The following ADGRE2 variants were observed in gnomAD, a reference collection of about 807,000 sequenced individuals.
ADGRE2 encodes the protein adhesion G protein-coupled receptor E2.
A neutral mutation model predicts 100.8 loss-of-function variants in ADGRE2; 83 were observed. The ratio of observed to expected loss-of-function variants is 0.82; its 90% confidence interval spans 0.69 to 0.99. The LOEUF is 0.99. Ranked by LOEUF, ADGRE2 falls within the 50% of genes least tolerant of loss-of-function variation. The pLI, the probability that ADGRE2 is intolerant of heterozygous loss-of-function variation, is 0.00. For missense variants in ADGRE2, 814 were observed against 1,035.7 expected (o/e 0.79, Z 2.94); for synonymous variants, 355 against 413.0 (o/e 0.86, Z 1.70).
At chr19:14,758,293 A>G (rs2043572637) in intron 11 of ADGRE2, among the ~76,000 whole-genome samples, 1 of 152,260 alleles carries the variant, frequency 6.6e-6, no homozygotes, top group South Asian at 2.1e-4. Flanking sequence ...TACTATCAGA[A>G]TGTTTAAAGA....
At chr19:14,742,582 A>G (rs1387399392) in intron 20 of ADGRE2, among the ~76,000 whole-genome samples, 1 of 152,192 alleles carries the variant, frequency 6.6e-6, no homozygotes, top group East Asian at 1.9e-4. Flanking sequence ...GGTGCTGAGT[A>G]GAGGCACTGC....
At chr19:14,751,395 T>C in intron 16 of ADGRE2, 41 bp downstream of exon 16, 2 of 1,481,940 alleles carry the variant, frequency 1.3e-6, no homozygotes, top group Non-Finnish European at 1.9e-6. Flanking sequence ...ATGGCCATGG[T>C]TATGCCGGAG....
chr19:14,744,025 AG>A (rs1320716026), intron 18 of ADGRE2, among the ~76,000 whole-genome samples: 1 of 152,102 alleles, frequency 6.6e-6, no homozygotes, highest in Non-Finnish European at 1.5e-5. Context: ...AGATCACCTG[AG>A]GTCAGGAGTT....
chr19:14,725,655 G>A, the ADGRE2 span, among the ~76,000 whole-genome samples: 2 of 152,234 alleles, frequency 1.3e-5, no homozygotes, highest in African/African-American at 4.8e-5. Context: ...CCTCATGCAA[G>A]TTGTAAACCC....
intron 18 of ADGRE2, among the ~76,000 whole-genome samples, chr19:14,744,466 A>T (rs1041665112): frequency 6.6e-6 from 1 of 151,726 alleles, no homozygotes; most frequent in African/African-American, 2.4e-5. Context: ...TTATTTATTT[A>T]TTTTTTTGAG....
intron 20 of ADGRE2, chr19:14,742,163 C>G (rs887406876): frequency 5.0e-6 from 2 of 398,226 alleles, no homozygotes; most frequent in African/African-American, 4.1e-5. Flanking sequence ...AATGTGAACC[C>G]TCTTAGGGCA....
rs553214192 is a variant in ADGRE2 at position 14,765,508 on chromosome 19, T to C, written c.828+16A>G. 1 of 1,613,250 alleles carries C rather than the reference T, an allele frequency of 6.2e-7. No homozygotes were observed. Among genetic ancestry groups the C allele is most frequent in the South Asian group, 1.1e-5 (1 of 91,048 alleles). ...GATGGAGTTCCCGCCGCCTCGTCCC[T>C]GTGGGGGCCACTCACCTGGCTGTGG... is the stretch of plus-strand genomic sequence containing the variant. On this transcript the variant is annotated intron_variant, in intron 9 of 20. Coordinates refer to ENST00000315576, the MANE Select transcript of ADGRE2 (RefSeq NM_013447.4).
At chr19:14,736,918 T>TATATATATTTAATATCTATGTATTTAGAA (rs1555779817) in intron 20 of ADGRE2, among the ~76,000 whole-genome samples, 4 of 130,258 alleles carry the variant, frequency 3.1e-5, no homozygotes, top group Admixed American at 7.5e-5. Context: ...TATTTAGAAA[T>TATATATATTTAATATCTATGTATTTAGAA]ATATATATAT....
Position 14,765,566 on chromosome 19 carries a change from C to T in ADGRE2, c.786G>A (p.Met262Ile). The T allele has an allele frequency of 6.2e-7, 1 of 1,614,306 alleles. No homozygotes were observed. Among genetic ancestry groups the T allele is most frequent in the South Asian group, 1.1e-5 (1 of 91,088 alleles). Residue 262 changes from methionine (M) to isoleucine (I), a missense_variant, in exon 9 of 21, where the codon ATG becomes ATA. Physicochemically the swap from Met to Ile is conservative, Grantham distance 10. Around this residue, in one of 5 missense-constraint regions of ADGRE2, gnomAD observed 569 missense variants for 692.7 expected, o/e 0.82. Transcript: ENST00000315576. ...GGGGCGGGGTCCAGGTGGAGAAAGT[C>T]ATATCTGTAGGGAACAAGACAAGCG... ...NNQKDTVCED[M>I]TFSTWTPPPG... is the part of the protein sequence containing the mutation.
rs1295985505 is a variant in ADGRE2 at position 14,733,674 on chromosome 19, C to CGA, written c.*2561_*2562insTC. On this transcript the variant is annotated 3_prime_UTR_variant, in exon 21 of 21. Transcript: ENST00000315576. ...ACACTCTTAGTCTGTAGAAAAGACT[C>CGA]TAACCTAATTCAGCCAGCAGCCCCT... The CGA allele has an allele frequency of 1.3e-5, 2 of 152,228 alleles. No homozygotes were observed. Among genetic ancestry groups the CGA allele is most frequent in the African/African-American group, 4.8e-5 (2 of 41,454 alleles). 9.4% of individuals were successfully genotyped at this position (152,228 alleles called of 1,614,324 possible).
intron 14 of ADGRE2, among the ~76,000 whole-genome samples, chr19:14,753,894 C>T (rs928753885): frequency 5.9e-5 from 9 of 152,074 alleles, no homozygotes; most frequent in South Asian, 4.2e-4. Flanking sequence ...AAACTTGTGA[C>T]GGTTAATACT....
At chr19:14,743,846 A>C in intron 18 of ADGRE2, 62 bp from the exon 19 acceptor site, 5 of 1,503,904 alleles carry the variant, frequency 3.3e-6, no homozygotes, top group Non-Finnish European at 4.6e-6. Flanking sequence ...AGGCTATTTC[A>C]TCTGTGCCCA....
chr19:14,767,488 C>T (rs943329037), intron 5 of ADGRE2, among the ~76,000 whole-genome samples: 1 of 152,118 alleles, frequency 6.6e-6, no homozygotes, highest in African/African-American at 2.4e-5. Flanking sequence ...ATCAGCCCAC[C>T]TCGGCCTCCC....
intron 11 of ADGRE2, among the ~76,000 whole-genome samples, chr19:14,757,863 G>A (rs1026205154): frequency 6.6e-6 from 1 of 152,162 alleles, no homozygotes; most frequent in African/African-American, 2.4e-5. Flanking sequence ...GAGTGTAGTG[G>A]CACAATCTCA....
chr19:14,724,183 C>T, the ADGRE2 span, among the ~76,000 whole-genome samples: 1 of 152,160 alleles, frequency 6.6e-6, no homozygotes, highest in Non-Finnish European at 1.5e-5. Context: ...AGATGCTTTG[C>T]CTCTAGCAGG....
At position 14,752,426 on chromosome 19, in the gene ADGRE2, A is replaced by ATGGC. The variant is rs778412618; in HGVS notation, c.1687_1690dup (p.Ile564SerfsTer29). ...ATGCAGTGAGGTGCTGGTGTTCTGG[A>ATGGC]TGGCTTTACACAGGAGAAAAGTGAG... On this transcript the variant is annotated frameshift_variant, in exon 15 of 21. Coordinates refer to ENST00000315576, the MANE Select transcript of ADGRE2 (RefSeq NM_013447.4). LOFTEE classifies it high-confidence loss of function. The ATGGC allele has an allele frequency of 1.2e-6, 2 of 1,613,980 alleles. No homozygotes were observed. The highest frequency in any genetic ancestry group is 2.7e-5 in the African/African-American group (2 of 74,910).
intron 14 of ADGRE2, among the ~76,000 whole-genome samples, 181 bp from the exon 15 acceptor site, chr19:14,752,707 G>T (rs2147243110): frequency 6.6e-6 from 1 of 152,114 alleles, no homozygotes; most frequent in East Asian, 1.9e-4. Flanking sequence ...CTCATGGGTG[G>T]CTAGGAATAC....
chr19:14,755,781 T>C lies in ADGRE2; in HGVS notation c.1289A>G (p.His430Arg). The change falls in exon 13 of 21, where the codon CAT becomes CGT. Residue 430 changes from histidine (H) to arginine (R), a missense_variant. Coordinates refer to ENST00000315576, the MANE Select transcript of ADGRE2 (RefSeq NM_013447.4). ...CTGCAGCAAGCCCTGGTGTGTCTCA[T>C]GCAGAAGCATCTGCTTCTCAGGTTC... Reference protein sequence around the residue: ...VLEPEKQMLLHETHQGLLQDG... With the variant: ...VLEPEKQMLLRETHQGLLQDG... 1 of 1,614,140 alleles carries C rather than the reference T, an allele frequency of 6.2e-7. No individual in the cohort carries two copies. Among genetic ancestry groups the C allele is most frequent in the South Asian group, 1.1e-5 (1 of 91,086 alleles).
chr19:14,760,615 A>G (rs2043681239), intron 11 of ADGRE2, among the ~76,000 whole-genome samples: 1 of 151,818 alleles, frequency 6.6e-6, no homozygotes, highest in Non-Finnish European at 1.5e-5. Context: ...CCAGCCATCT[A>G]AACAAAAAAA....
Sources: allele counts gnomAD v4.1 joint callset (sites outside exome capture counted in the v4.1 genomes callset), GRCh38; gene constraint gnomAD v4.1.1; regional missense constraint gnomAD v4.1.1; transcripts MANE v1.5; gene names NCBI Gene and HGNC (gene_info 2026-07-23, HGNC 2026-07-21).